FER: variants seen among roughly 807,000 people sequenced by gnomAD.
FER encodes the protein FER tyrosine kinase, also known as tyrosine-protein kinase Fer.
FER carries 63 observed loss-of-function variants against 111.0 expected under a neutral mutation model. That is an observed-to-expected ratio of 0.57 (90% CI 0.46 to 0.70). The LOEUF is 0.70. FER is among the 30% of genes least tolerant of loss of function. The pLI is 0.00. For synonymous variants in FER, 327 were observed against 313.9 expected, an observed-to-expected ratio of 1.04 and a Z score of -0.44; for missense variants, 914 against 954.0, an observed-to-expected ratio of 0.96 and a Z score of 0.55.
chr5:109,135,062 A>T (rs1393488609), intron 17 of FER, among the ~76,000 whole-genome samples: 1 of 152,234 alleles, frequency 6.6e-6, no homozygotes, highest in Non-Finnish European at 1.5e-5. Flanking sequence ...GAAAGATAGG[A>T]AGGAGCATAC....
At chr5:109,025,254 A>G (rs1768539151) in intron 13 of FER, among the ~76,000 whole-genome samples, 1 of 152,104 alleles carries the variant, frequency 6.6e-6, no homozygotes, top group East Asian at 1.9e-4. Flanking sequence ...ACCCATGAAC[A>G]TGGAATGTTC....
chr5:108,978,330 C>T lies in FER; in HGVS notation c.1656+18983C>T, dbSNP rs540438986. On this transcript the variant is annotated intron_variant, in intron 13 of 19. Coordinates refer to ENST00000281092, the MANE Select transcript of FER (RefSeq NM_005246.4). The stretch of plus-strand genomic sequence containing the variant: ...TTTTTCAGTTTTTCCAGTTGTTTCT[C>T]CTGACAATCCTTTGCATGTCTGAAG... Among the ~76,000 whole-genome samples, 51 of 152,274 alleles carry T rather than the reference C, an allele frequency of 3.3e-4. No homozygotes were observed. The South Asian group carries it at 0.011, about 32-fold the overall frequency.
intron 13 of FER, among the ~76,000 whole-genome samples, chr5:108,989,049 G>T (rs1762878475): frequency 6.6e-6 from 1 of 152,064 alleles, no homozygotes; most frequent in African/African-American, 2.4e-5. Flanking sequence ...GGTCATTCAC[G>T]AGCAGGTTAT....
chr5:109,020,195 C>T (rs1366340872), intron 13 of FER, among the ~76,000 whole-genome samples: 1 of 151,888 alleles, frequency 6.6e-6, no homozygotes, highest in African/African-American at 2.4e-5. Context: ...TTTCCAATTT[C>T]CTGCATTTGG....
intron 3 of FER, among the ~76,000 whole-genome samples, chr5:108,811,356 A>G (rs1233405938): frequency 2.0e-5 from 3 of 152,216 alleles, no homozygotes; most frequent in Non-Finnish European, 4.4e-5. Context: ...TTTGCCATGG[A>G]TCTCTTCGTT....
At chr5:109,006,417 C>T (rs942386365) in intron 13 of FER, among the ~76,000 whole-genome samples, 1 of 152,156 alleles carries the variant, frequency 6.6e-6, no homozygotes. Context: ...CTCTTGCCTA[C>T]CGCCATGTGA....
chr5:108,884,647 T>C (rs1746812972), intron 9 of FER, among the ~76,000 whole-genome samples: 1 of 151,934 alleles, frequency 6.6e-6, no homozygotes, highest in Admixed American at 6.6e-5. Context: ...TACTTAAGTC[T>C]TGACTCCGAA....
At chr5:109,055,624 CT>C (rs111585255) in intron 16 of FER, among the ~76,000 whole-genome samples, 21 of 147,696 alleles carry the variant, frequency 1.4e-4, no homozygotes, top group East Asian at 2.0e-4. Flanking sequence ...GTCTCTATGA[CT>C]TTTTTTTTTA....
intron 17 of FER, among the ~76,000 whole-genome samples, chr5:109,149,983 G>C (rs1340322140): frequency 6.6e-6 from 1 of 152,084 alleles, no homozygotes; most frequent in African/African-American, 2.4e-5. Context: ...GAACCCTATT[G>C]TGAACTGCAC....
intron 9 of FER, among the ~76,000 whole-genome samples, chr5:108,889,442 A>G (rs1009807691): frequency 7.9e-5 from 12 of 151,994 alleles, no homozygotes; most frequent in Non-Finnish European, 1.8e-4. Flanking sequence ...GAAATAAGCC[A>G]GGCACAGAAA....
At chr5:108,910,317 T>TG (rs556030156) in intron 10 of FER, among the ~76,000 whole-genome samples, 25 of 152,348 alleles carry the variant, frequency 1.6e-4, no homozygotes, top group African/African-American at 5.5e-4. Context: ...CAAAGTTATC[T>TG]TTTAAAATTT....
chr5:109,063,560 A>G (rs933927342), intron 16 of FER, among the ~76,000 whole-genome samples: 1 of 152,230 alleles, frequency 6.6e-6, no homozygotes, highest in Non-Finnish European at 1.5e-5. Flanking sequence ...TTCCTAACAT[A>G]GTTTAACCCA....
chr5:109,172,917 A>G (rs1757296471), intron 17 of FER, among the ~76,000 whole-genome samples: 1 of 152,192 alleles, frequency 6.6e-6, no homozygotes, highest in Non-Finnish European at 1.5e-5. Flanking sequence ...ACTATAAACC[A>G]TCCAGATTAA....
intron 17 of FER, among the ~76,000 whole-genome samples, chr5:109,136,324 TAAAA>T (rs140541677): frequency 0.012 from 1,801 of 151,544 alleles, 74 homozygotes; most frequent in East Asian, 0.072. Context: ...ATAAAAACAA[TAAAA>T]AAAGGATTGA....
At chr5:108,796,074 A>G (rs552702363) in intron 2 of FER, among the ~76,000 whole-genome samples, 1 of 152,254 alleles carries the variant, frequency 6.6e-6, no homozygotes, top group East Asian at 1.9e-4. Flanking sequence ...TGTAAGCTGT[A>G]TCTGTATTAG....
chr5:109,113,950 T>A lies in FER; in HGVS notation c.2048+13431T>A, dbSNP rs546131866. Among the ~76,000 whole-genome samples the A allele has an allele frequency of 5.9e-5, 9 of 152,112 alleles. No individual in the cohort carries two copies. In the East Asian group the frequency reaches 1.7e-3, roughly 29 times the overall value. On this transcript the variant is annotated intron_variant, in intron 17 of 19. Transcript: ENST00000281092. ...AAATAGGCAACAGATGAAACAAGAT[T>A]AAAAAAATAGAAAACTATATATAAT...
chr5:108,755,482 G>GT (rs1001077803), intron 1 of FER, among the ~76,000 whole-genome samples: 9 of 151,904 alleles, frequency 5.9e-5, no homozygotes, highest in African/African-American at 1.7e-4. Flanking sequence ...AGTGTTCAGG[G>GT]TTTTTTTGTT....
intron 13 of FER, among the ~76,000 whole-genome samples, chr5:109,005,022 C>A (rs1340884213): frequency 6.6e-6 from 1 of 151,790 alleles, no homozygotes; most frequent in Non-Finnish European, 1.5e-5. Flanking sequence ...CGGAAACTAG[C>A]CACAGTAGGA....
intron 17 of FER, among the ~76,000 whole-genome samples, chr5:109,116,983 A>C (rs1237566907): frequency 6.6e-6 from 1 of 152,150 alleles, no homozygotes; most frequent in Non-Finnish European, 1.5e-5. Context: ...CATATGTGTC[A>C]GAATTTTGGA....
Sources: gnomAD v4.1 joint callset for allele counts (sites outside exome capture counted in the v4.1 genomes callset) on GRCh38, gnomAD v4.1.1 for gene constraint, MANE v1.5 for transcripts, NCBI Gene and HGNC (gene_info 2026-07-23, HGNC 2026-07-21) for gene names.